CD99L2: variants seen among roughly 807,000 people sequenced by gnomAD.
CD99L2 encodes the protein CD99 molecule like 2.
In CD99L2, 24 loss-of-function variants were observed where a neutral mutation model predicts 27.3. That is an observed-to-expected ratio of 0.88 (90% CI 0.64 to 1.24). The LOEUF is 1.24. Ranked by LOEUF, CD99L2 falls within the 50% of genes most tolerant of loss-of-function variation. The probability of loss-of-function intolerance (pLI) is 0.00; values close to 1 mark genes in which losing one functional copy is unlikely to be tolerated. For synonymous variants in CD99L2, 97 were observed against 87.9 expected, an observed-to-expected ratio of 1.10 and a Z score of -0.58; for missense variants, 255 against 221.6, an observed-to-expected ratio of 1.15 and a Z score of -0.96.
chrX:150,791,914 A>G (rs1485403795), intron 7 of CD99L2, among the ~76,000 whole-genome samples: 2 of 111,788 alleles, frequency 1.8e-5, no homozygotes, highest in Non-Finnish European at 3.8e-5. Flanking sequence ...TACACTCCAA[A>G]ATGTAGCTGA....
At chrX:150,876,037 G>A (rs781974122) in intron 1 of CD99L2, among the ~76,000 whole-genome samples, 4 of 112,433 alleles carry the variant, frequency 3.6e-5, no homozygotes, top group Admixed American at 9.4e-5. Flanking sequence ...GATCCATCCA[G>A]GTTGTTGTGG....
At chrX:150,830,575 T>C (rs1053814316) in intron 2 of CD99L2, among the ~76,000 whole-genome samples, 15 of 109,907 alleles carry the variant, frequency 1.4e-4, no homozygotes, top group Non-Finnish European at 2.3e-4. Flanking sequence ...AAAAAAGCCA[T>C]TATAAAATCA....
At chrX:150,772,036 T>C (rs1557419097) in intron 9 of CD99L2, among the ~76,000 whole-genome samples, 2 of 112,143 alleles carry the variant, frequency 1.8e-5, no homozygotes, top group Non-Finnish European at 3.8e-5. Context: ...CAGAGCTTGG[T>C]GTTCTGCACC....
intron 8 of CD99L2, chrX:150,777,234 G>A (rs1390587262): frequency 2.2e-6 from 1 of 452,883 alleles, no homozygotes; most frequent in African/African-American, 2.4e-5. Flanking sequence ...AGATATTGAG[G>A]CCCATAAGAA....
chrX:150,866,170 T>A (rs1557422028), intron 1 of CD99L2, among the ~76,000 whole-genome samples: 3 of 111,174 alleles, frequency 2.7e-5, no homozygotes. Context: ...CCTTCAACTA[T>A]CAGCCTGCAG....
chrX:150,771,824 TGAAGGCAA>T lies in CD99L2; in HGVS notation c.656-1463_656-1456del, dbSNP rs781926499. 4.3e-6 allele frequency: 5 copies of T among 1,155,689 alleles called. No individual in the cohort carries two copies. The South Asian group carries it at 9.5e-5, about 22-fold the overall frequency. Reference sequence around the variant, plus strand: ...CGTTACCTTGACCTGCTGCTGCATCTGAAGGCAAGACACAAAGCTTAGAATCCCTGGAG... The same window carrying T: ...CGTTACCTTGACCTGCTGCTGCATCTGACACAAAGCTTAGAATCCCTGGAG... On this transcript the variant is annotated intron_variant, in intron 9 of 10. Coordinates refer to ENST00000370377, the MANE Select transcript of CD99L2 (RefSeq NM_031462.4).
intron 8 of CD99L2, among the ~76,000 whole-genome samples, chrX:150,776,602 G>A (rs782661908): frequency 1.2e-4 from 13 of 111,626 alleles, no homozygotes; most frequent in African/African-American, 2.6e-4. Flanking sequence ...TACTTCCCCC[G>A]GCACCCCAAT....
chrX:150,873,045 G>GA (rs1473233231), intron 1 of CD99L2, among the ~76,000 whole-genome samples: 11 of 111,692 alleles, frequency 9.8e-5, no homozygotes, highest in African/African-American at 3.6e-4. Context: ...CAGACACTGG[G>GA]AAAAAACCAG....
At chrX:150,778,283 C>T (rs1265737064) in intron 7 of CD99L2, among the ~76,000 whole-genome samples, 1 of 110,690 alleles carries the variant, frequency 9.0e-6, no homozygotes, top group Non-Finnish European at 1.9e-5. Flanking sequence ...GTTCATGCCA[C>T]CCTCTTCTCA....
rs1557419787 is a variant in CD99L2, at chrX:150,793,729, A to C, written c.458T>G (p.Ile153Arg). The change falls in exon 7 of 11, where the codon ATA becomes AGA. Residue 153 changes from isoleucine to arginine, a missense_variant. Transcript: ENST00000370377. ...GGFSDKDLEDIVGGGEYKPDK... is the reference protein window; with the variant it reads ...GGFSDKDLEDRVGGGEYKPDK... Reference sequence around the variant, plus strand: ...AGGTTTGTATTCTCCACCCCCTACTATGTCTTCAAGATCCTTGTCTGAAAA... The same window carrying C: ...AGGTTTGTATTCTCCACCCCCTACTCTGTCTTCAAGATCCTTGTCTGAAAA... 8.3e-7 allele frequency: 1 copy of C among 1,198,714 alleles called. No homozygotes were observed. The highest frequency in any genetic ancestry group is 3.0e-5 in the East Asian group (1 of 33,075).
chrX:150,803,303 ACATACCGTATT>A (rs782702052), intron 4 of CD99L2, among the ~76,000 whole-genome samples: 9 of 112,341 alleles, frequency 8.0e-5, no homozygotes, highest in African/African-American at 2.9e-4. Context: ...CAATTGAGAG[ACATACCGTATT>A]CATGGATTAG....
chrX:150,843,415 C>T (rs980996236), intron 1 of CD99L2, among the ~76,000 whole-genome samples: 3 of 110,058 alleles, frequency 2.7e-5, no homozygotes, highest in African/African-American at 3.3e-5. Flanking sequence ...TTTGGGAGGC[C>T]GAGGCGGGCA....
chrX:150,888,547 A>G (rs1332457949), intron 1 of CD99L2, among the ~76,000 whole-genome samples: 2 of 112,324 alleles, frequency 1.8e-5, no homozygotes, highest in Non-Finnish European at 3.8e-5. Context: ...TGATGATCAC[A>G]CAAAAAAAGT....
intron 2 of CD99L2, among the ~76,000 whole-genome samples, chrX:150,817,033 T>C (rs1266963872): frequency 1.5e-5 from 1 of 68,249 alleles, no homozygotes; most frequent in Admixed American, 2.1e-4. Flanking sequence ...AACATCACAC[T>C]CTGGGGACTG....
chrX:150,814,986 G>A, intron 3 of CD99L2, 50 bp from the exon 4 acceptor site: 2 of 1,176,809 alleles, frequency 1.7e-6, no homozygotes, highest in African/African-American at 1.7e-5. Context: ...ATTAACAACT[G>A]GGTATAAGAT....
At chrX:150,891,099 A>G (rs1305434907) in intron 1 of CD99L2, among the ~76,000 whole-genome samples, 1 of 113,046 alleles carries the variant, frequency 8.8e-6, no homozygotes, top group African/African-American at 3.2e-5. Flanking sequence ...TAAAATGGTA[A>G]AACTGAAACA....
At chrX:150,855,828 G>C (rs1557421729) in intron 1 of CD99L2, among the ~76,000 whole-genome samples, 1 of 111,951 alleles carries the variant, frequency 8.9e-6, no homozygotes, top group East Asian at 2.8e-4. Context: ...ACAGCTATCA[G>C]AGGGATTGTG....
intron 6 of CD99L2, 118 bp from the exon 7 acceptor site, chrX:150,793,874 T>C: frequency 1.8e-6 from 1 of 542,119 alleles, no homozygotes; most frequent in Non-Finnish European, 2.8e-6. Context: ...AGAATGCCCT[T>C]CATGAAATTC....
chrX:150,805,188 A>AAAACAAAC (rs1209592226), intron 4 of CD99L2, among the ~76,000 whole-genome samples: 1 of 111,429 alleles, frequency 9.0e-6, no homozygotes, highest in Non-Finnish European at 1.9e-5. Flanking sequence ...ACTCCGACTC[A>AAAACAAAC]AAACAAACAA....
Sources: gnomAD v4.1 joint callset for allele counts (sites outside exome capture counted in the v4.1 genomes callset) on GRCh38, gnomAD v4.1.1 for gene constraint, MANE v1.5 for transcripts, NCBI Gene and HGNC (gene_info 2026-07-23, HGNC 2026-07-21) for gene names.